Variants in EIF4G3 observed in about 807,000 individuals in gnomAD.
EIF4G3 encodes the protein eIF-4-gamma 3.
A neutral mutation model predicts 186.4 loss-of-function variants in EIF4G3; 34 were observed. The ratio of observed to expected loss-of-function variants is 0.18; its 90% CI spans 0.14 to 0.24. EIF4G3 has a LOEUF of 0.24. EIF4G3 is among the 10% of genes least tolerant of loss of function. The pLI, the probability that EIF4G3 is intolerant of heterozygous loss-of-function variation, is 1.00. For missense variants in EIF4G3, 1,536 were observed against 1,948.5 expected, an observed-to-expected ratio of 0.79 and a Z score of 3.99; for synonymous variants, 673 against 679.5, an observed-to-expected ratio of 0.99 and a Z score of 0.15.
At chr1:20,900,531 A>C (rs562090261) in intron 15 of EIF4G3, among the ~76,000 whole-genome samples, 79 of 151,466 alleles carry the variant, frequency 5.2e-4, no homozygotes, top group African/African-American at 1.8e-3. Context: ...AAAAAGAGAG[A>C]GAGAGAAAAA....
intron 4 of EIF4G3, among the ~76,000 whole-genome samples, chr1:21,004,653 CTAAGA>C (rs1195742731): frequency 2.0e-5 from 3 of 152,058 alleles, no homozygotes; most frequent in Non-Finnish European, 4.4e-5. Flanking sequence ...AGTATCTTAC[CTAAGA>C]TAACAAAGTA....
At chr1:20,845,478 C>T (rs566040954) in intron 29 of EIF4G3, among the ~76,000 whole-genome samples, 60 of 152,142 alleles carry the variant, frequency 3.9e-4, no homozygotes, top group East Asian at 1.7e-3. Flanking sequence ...CTGGCTAACA[C>T]CGTGAAACCC....
chr1:20,974,754 G>A (rs1490571818), intron 10 of EIF4G3, among the ~76,000 whole-genome samples: 1 of 152,112 alleles, frequency 6.6e-6, no homozygotes, highest in Non-Finnish European at 1.5e-5. Context: ...AGGAAGGGGG[G>A]AAAATTGTCA....
chr1:20,901,067 G>A (rs1052830174), intron 15 of EIF4G3, among the ~76,000 whole-genome samples: 1 of 151,932 alleles, frequency 6.6e-6, no homozygotes, highest in Non-Finnish European at 1.5e-5. Flanking sequence ...TCTAATAATG[G>A]AAATAAAAAG....
chr1:20,986,744 C>CAAAAAAAAAAAAAAAAAA lies in EIF4G3; in HGVS notation c.178-4354_178-4337dup, dbSNP rs61255473. ...AGCCTGGGCGACAGAGCTCTGTCTCCAAAAAAAAAAAAAAAAAAAAAAAAA... is the reference window on the plus strand; with the variant it reads ...AGCCTGGGCGACAGAGCTCTGTCTCCAAAAAAAAAAAAAAAAAAAAAAAAAAAAAAAAAAAAAAAAAAA... On this transcript the variant is annotated intron_variant, in intron 7 of 36. Transcript: ENST00000602326. 7.5e-5 allele frequency among the ~76,000 whole-genome samples: 5 copies of CAAAAAAAAAAAAAAAAAA among 66,316 alleles called. 1 individual carries two copies. The highest frequency in any genetic ancestry group is 2.0e-4 in the African/African-American group (3 of 14,662). The allele number at this position is 66,316 out of a possible 152,430, so 43.5% of individuals were successfully genotyped here.
At chr1:20,861,138 T>C (rs1464849381) in intron 23 of EIF4G3, among the ~76,000 whole-genome samples, 2 of 152,244 alleles carry the variant, frequency 1.3e-5, no homozygotes, top group Non-Finnish European at 2.9e-5. Flanking sequence ...ATATAAGTGG[T>C]TGATAACATG....
Position 21,150,787 on chromosome 1 carries a change from G to T in EIF4G3, c.-272+25388C>A, listed in dbSNP as rs556456772. Among the ~76,000 whole-genome samples, 15 of 152,256 alleles carry T rather than the reference G, an allele frequency of 9.9e-5. No homozygotes were observed. In the South Asian group the frequency reaches 3.1e-3, roughly 32 times the overall value. ...AGGTCGGGAGTTCGAGATCAGCCTG[G>T]CTAACATGGTGAAACCCCGTTTCTA... On this transcript the variant is annotated intron_variant, in intron 2 of 36. Transcript: ENST00000602326.
At chr1:21,131,741 G>A (rs1573027571) in intron 2 of EIF4G3, among the ~76,000 whole-genome samples, 1 of 152,074 alleles carries the variant, frequency 6.6e-6, no homozygotes, top group Non-Finnish European at 1.5e-5. Context: ...CAGCACTTTT[G>A]GCTGGAGGAT....
At chr1:21,005,453 T>A (rs1281236014) in intron 4 of EIF4G3, among the ~76,000 whole-genome samples, 3 of 152,114 alleles carry the variant, frequency 2.0e-5, no homozygotes, top group Non-Finnish European at 4.4e-5. Context: ...CATAAAGAAA[T>A]GTTACCTCTT....
At chr1:21,026,748 G>C (rs1020727999) in intron 4 of EIF4G3, among the ~76,000 whole-genome samples, 5 of 151,914 alleles carry the variant, frequency 3.3e-5, no homozygotes. Context: ...CCAGGAGTTC[G>C]AGACCAACCT....
At chr1:21,083,873 G>A (rs749995685) in intron 3 of EIF4G3, among the ~76,000 whole-genome samples, 42 of 152,072 alleles carry the variant, frequency 2.8e-4, no homozygotes, top group Non-Finnish European at 4.7e-4. Context: ...CAAAATACTC[G>A]TTCCTCATTC....
chr1:20,912,838 A>G (rs968130111), intron 14 of EIF4G3, among the ~76,000 whole-genome samples: 3 of 152,222 alleles, frequency 2.0e-5, no homozygotes, highest in Non-Finnish European at 4.4e-5. Flanking sequence ...TGTGAATCCT[A>G]TTCTGTCCCA....
At chr1:21,050,829 G>A (rs1437122282) in intron 4 of EIF4G3, 37 bp downstream of exon 4, 1 of 688,192 alleles carries the variant, frequency 1.5e-6, no homozygotes, top group Non-Finnish European at 2.6e-6. Context: ...GCCTTTACAG[G>A]GACATTTCTT....
chr1:20,865,236 A>G lies in EIF4G3; in HGVS notation c.2649T>C (p.Pro883=). 1 of 1,614,136 alleles carries G rather than the reference A, an allele frequency of 6.2e-7. No homozygotes were observed. The highest frequency in any genetic ancestry group is 8.5e-7 in the Non-Finnish European group (1 of 1,179,994). Residue 883 remains proline (P), a synonymous_variant, in exon 21 of 37, where the codon CCT becomes CCC. Transcript: ENST00000602326. ...GCTTCCGGAAATTCACTGTGTTACCAGGCTTGTCTGCCATGGGTACTTTCA... is the reference window on the plus strand; with the variant it reads ...GCTTCCGGAAATTCACTGTGTTACCGGGCTTGTCTGCCATGGGTACTTTCA... ...VTLKVPMADK[P]GNTVNFRKLL...
rs568926420 is a variant in EIF4G3 at position 20,883,735 on chromosome 1, CTT to C, written c.2424+2464_2424+2465del. Among the ~76,000 whole-genome samples the C allele has an allele frequency of 2.3e-4, 35 of 152,016 alleles. No homozygotes were observed. In the East Asian group the frequency reaches 6.0e-3, roughly 26 times the overall value. On this transcript the variant is annotated intron_variant, in intron 19 of 36. Transcript: ENST00000602326. ...TAGATATTTTATGAAGGAGAAAACA[CTT>C]TAGGAAGGAATTGTTAATGAGGATT...
intron 7 of EIF4G3, among the ~76,000 whole-genome samples, chr1:20,994,252 G>A (rs1343590285): frequency 6.6e-6 from 1 of 152,114 alleles, no homozygotes; most frequent in East Asian, 1.9e-4. Context: ...CATCTCCTGT[G>A]GATGCAAAAT....
intron 30 of EIF4G3, among the ~76,000 whole-genome samples, chr1:20,837,767 A>G (rs1034616024): frequency 6.6e-6 from 1 of 152,190 alleles, no homozygotes; most frequent in African/African-American, 2.4e-5. Flanking sequence ...AGGCTTTAGA[A>G]GGGATTGTGA....
intron 24 of EIF4G3, among the ~76,000 whole-genome samples, chr1:20,858,071 C>A (rs924174378): frequency 6.6e-6 from 1 of 152,164 alleles, no homozygotes; most frequent in Admixed American, 6.5e-5. Context: ...CACCAACACC[C>A]CTTTCCTAGA....
At chr1:21,083,369 G>A (rs149357864) in intron 3 of EIF4G3, among the ~76,000 whole-genome samples, 2 of 151,970 alleles carry the variant, frequency 1.3e-5, no homozygotes, top group African/African-American at 2.4e-5. Flanking sequence ...TGGAGACAAC[G>A]GTTTCACTCT....
Sources: gnomAD v4.1 joint callset for allele counts (sites outside exome capture counted in the v4.1 genomes callset) on GRCh38, gnomAD v4.1.1 for gene constraint, MANE v1.5 for transcripts, NCBI Gene and HGNC (gene_info 2026-07-23, HGNC 2026-07-21) for gene names.